The following PARD3 variants were observed in gnomAD, a reference collection of about 807,000 sequenced individuals.
PARD3 encodes par-3 family cell polarity regulator.
A neutral mutation model predicts 155.4 loss-of-function variants in PARD3; 75 were observed. That is an observed-to-expected ratio of 0.48 (90% CI 0.40 to 0.58). PARD3 has a LOEUF of 0.58. Ranked by LOEUF, PARD3 falls within the 20% of genes least tolerant of loss-of-function variation. The probability of loss-of-function intolerance (pLI) is 0.00; values close to 1 mark genes in which losing one functional copy is unlikely to be tolerated. For synonymous variants in PARD3, 576 were observed against 610.5 expected (o/e 0.94, Z 0.83); for missense variants, 1,642 against 1,721.7 (o/e 0.95, Z 0.82).
intron 19 of PARD3, among the ~76,000 whole-genome samples, chr10:34,327,352 C>G (rs891892155): frequency 1.3e-5 from 2 of 152,184 alleles, no homozygotes; most frequent in African/African-American, 4.8e-5. Flanking sequence ...GCCATCTCCA[C>G]AGGAAGAATG....
chr10:34,336,879 A>ACCC (rs1836248891), intron 17 of PARD3, among the ~76,000 whole-genome samples: 1 of 152,172 alleles, frequency 6.6e-6, no homozygotes, highest in East Asian at 1.9e-4. Context: ...ATGGATTGAG[A>ACCC]TAATGGTTTC....
chr10:34,787,831 T>G (rs1841167245), intron 1 of PARD3, among the ~76,000 whole-genome samples: 2 of 151,208 alleles, frequency 1.3e-5, no homozygotes, highest in Non-Finnish European at 2.9e-5. Context: ...CAGGCTCTGG[T>G]GTACAGTGGC....
chr10:34,155,668 A>ATGTGTGTGTGTGTGTGTGTGTGTG, intron 22 of PARD3, among the ~76,000 whole-genome samples: 1 of 140,346 alleles, frequency 7.1e-6, no homozygotes, highest in East Asian at 2.1e-4. Flanking sequence ...CCCTCTAAAA[A>ATGTGTGTGTGTGTGTGTGTGTGTG]TGTGTGTGTG....
At chr10:34,288,135 C>T (rs1222427984) in intron 20 of PARD3, among the ~76,000 whole-genome samples, 1 of 152,086 alleles carries the variant, frequency 6.6e-6, no homozygotes, top group Admixed American at 6.6e-5. Context: ...TGCTTGAGCC[C>T]AGGAGATGGA....
chr10:34,201,899 C>T (rs1412680380), intron 22 of PARD3: 1 of 152,178 alleles, frequency 6.6e-6, no homozygotes, highest in African/African-American at 2.4e-5. Flanking sequence ...GACAGGATCC[C>T]CACCCCAGTG....
chr10:34,432,337 T>C (rs867077231), intron 5 of PARD3, among the ~76,000 whole-genome samples: 111 of 143,544 alleles, frequency 7.7e-4, no homozygotes, highest in Admixed American at 4.3e-3. Context: ...CACGTGCACA[T>C]ACACACACAC....
intron 5 of PARD3, among the ~76,000 whole-genome samples, chr10:34,412,693 G>A (rs1845214372): frequency 6.6e-6 from 1 of 152,132 alleles, no homozygotes; most frequent in South Asian, 2.1e-4. Context: ...GCCCAATTAT[G>A]TTAGTACTTT....
At chr10:34,771,577 T>C (rs1320832036) in intron 1 of PARD3, among the ~76,000 whole-genome samples, 1 of 152,234 alleles carries the variant, frequency 6.6e-6, no homozygotes, top group South Asian at 2.1e-4. Context: ...AAAAATGACG[T>C]CGGTCAGCCC....
intron 3 of PARD3, among the ~76,000 whole-genome samples, chr10:34,476,999 C>G (rs1322273410): frequency 1.3e-5 from 2 of 152,220 alleles, no homozygotes; most frequent in Non-Finnish European, 2.9e-5. Context: ...CCACCTCTAA[C>G]TGTCCTGACT....
intron 22 of PARD3, among the ~76,000 whole-genome samples, chr10:34,158,457 G>A (rs548334145): frequency 4.6e-5 from 7 of 152,320 alleles, no homozygotes; most frequent in African/African-American, 1.4e-4. Flanking sequence ...ATGTGGCTAA[G>A]GCTAGGGTGA....
chr10:34,782,881 T>C (rs2134181063), intron 1 of PARD3, among the ~76,000 whole-genome samples: 1 of 152,120 alleles, frequency 6.6e-6, no homozygotes, highest in Middle Eastern at 3.4e-3. Flanking sequence ...CATGCACCAC[T>C]ACACCCAGTT....
chr10:34,603,979 G>A (rs1206768351), intron 2 of PARD3, among the ~76,000 whole-genome samples: 1 of 152,008 alleles, frequency 6.6e-6, no homozygotes, highest in Non-Finnish European at 1.5e-5. Context: ...GTGCGTCCAG[G>A]AACAAGAAAT....
chr10:34,500,328 C>T (rs1023668212), intron 3 of PARD3, among the ~76,000 whole-genome samples: 16 of 152,104 alleles, frequency 1.1e-4, no homozygotes, highest in African/African-American at 3.1e-4. Context: ...TTTTCAAAAT[C>T]GAAAGAAGAA....
At chr10:34,701,226 G>A (rs940366389) in intron 1 of PARD3, among the ~76,000 whole-genome samples, 4 of 152,184 alleles carry the variant, frequency 2.6e-5, no homozygotes, top group East Asian at 1.9e-4. Context: ...GATTCAGAAC[G>A]CTGTGAACAC....
intron 22 of PARD3, among the ~76,000 whole-genome samples, chr10:34,145,215 ATATATATTTTTT>A (rs1564429944): frequency 5.2e-5 from 3 of 57,610 alleles, no homozygotes; most frequent in South Asian, 4.8e-4. Flanking sequence ...ATATATATAT[ATATATATTTTTT>A]TTTTTTTTTT....
intron 1 of PARD3, among the ~76,000 whole-genome samples, chr10:34,793,966 C>T (rs897208768): frequency 6.6e-6 from 1 of 152,084 alleles, no homozygotes; most frequent in African/African-American, 2.4e-5. Context: ...TTAAGTAATA[C>T]CACATTTACA....
At chr10:34,571,917 G>A (rs1034308682) in intron 2 of PARD3, among the ~76,000 whole-genome samples, 1 of 151,910 alleles carries the variant, frequency 6.6e-6, no homozygotes, top group Non-Finnish European at 1.5e-5. Context: ...AAATAATGTT[G>A]GACTCTAGAT....
chr10:34,411,919 C>CGTGTGTGTGTGTGT (rs61517279), intron 5 of PARD3, among the ~76,000 whole-genome samples: 1 of 141,070 alleles, frequency 7.1e-6, no homozygotes, highest in Non-Finnish European at 1.5e-5. Context: ...ATAAGCTAGT[C>CGTGTGTGTGTGTGT]GTGTGTGTGT....
At chr10:34,174,350 G>A (rs1284103278) in intron 22 of PARD3, among the ~76,000 whole-genome samples, 1 of 152,146 alleles carries the variant, frequency 6.6e-6, no homozygotes, top group Non-Finnish European at 1.5e-5. Context: ...CAATCTAGAT[G>A]GGAAGATAAG....
Sources: gnomAD v4.1 joint callset for allele counts (sites outside exome capture counted in the v4.1 genomes callset) on GRCh38, gnomAD v4.1.1 for gene constraint, MANE v1.5 for transcripts, NCBI Gene and HGNC (gene_info 2026-07-23, HGNC 2026-07-21) for gene names.